Variants in LDB2 observed in about 807,000 individuals in gnomAD.
LDB2 encodes LIM domain binding 2, also known as LIM domain-binding protein 2.
In LDB2, 12 loss-of-function variants were observed where a neutral mutation model predicts 44.3. That is an observed-to-expected ratio of 0.27 (90% confidence interval 0.17 to 0.44). LDB2 has a LOEUF of 0.44. LDB2 is among the 20% of genes least tolerant of loss of function. The probability of loss-of-function intolerance (pLI) is 1.00; values close to 1 mark genes in which losing one functional copy is unlikely to be tolerated. For missense variants in LDB2, 344 were observed against 473.5 expected, an observed-to-expected ratio of 0.73 and a Z score of 2.54; for synonymous variants, 164 against 174.8, an observed-to-expected ratio of 0.94 and a Z score of 0.49.
intron 2 of LDB2, among the ~76,000 whole-genome samples, chr4:16,622,259 GA>G (rs1297395308): frequency 6.6e-6 from 1 of 152,180 alleles, no homozygotes; most frequent in African/African-American, 2.4e-5. Flanking sequence ...CAGATTAGAT[GA>G]TATATTTCAA....
At chr4:16,798,767 A>G (rs16894019) in intron 1 of LDB2, among the ~76,000 whole-genome samples, 5,828 of 152,344 alleles carry the variant, frequency 0.038, 370 homozygotes, top group African/African-American at 0.13. Context: ...TCTAGCCTCG[A>G]AAGCTGGACT....
intron 2 of LDB2, among the ~76,000 whole-genome samples, chr4:16,680,804 G>T (rs947276849): frequency 5.3e-5 from 8 of 152,140 alleles, no homozygotes; most frequent in African/African-American, 1.9e-4. Context: ...CAACAAACAA[G>T]AACCCTCCTA....
chr4:16,695,363 T>C (rs914168144), intron 2 of LDB2, among the ~76,000 whole-genome samples: 1 of 151,524 alleles, frequency 6.6e-6, no homozygotes, highest in Non-Finnish European at 1.5e-5. Context: ...AAACCCTGTC[T>C]CTACTAAAAA....
intron 5 of LDB2, among the ~76,000 whole-genome samples, chr4:16,531,791 C>T (rs577693595): frequency 6.6e-6 from 1 of 152,212 alleles, no homozygotes; most frequent in South Asian, 2.1e-4. Context: ...TTAGGAAAAC[C>T]TTACAGTTAG....
chr4:16,749,717 A>T (rs1315380792), intron 2 of LDB2, among the ~76,000 whole-genome samples: 1 of 151,960 alleles, frequency 6.6e-6, no homozygotes, highest in African/African-American at 2.4e-5. Context: ...AAAATATGGG[A>T]AAAACTGTAG....
chr4:16,632,475 A>G (rs1426668259), intron 2 of LDB2, among the ~76,000 whole-genome samples: 1 of 152,222 alleles, frequency 6.6e-6, no homozygotes, highest in African/African-American at 2.4e-5. Flanking sequence ...AGCCAATATC[A>G]TACTGAATGG....
At chr4:16,541,689 A>G (rs895586228) in intron 5 of LDB2, among the ~76,000 whole-genome samples, 2 of 152,168 alleles carry the variant, frequency 1.3e-5, no homozygotes, top group Admixed American at 6.5e-5. Flanking sequence ...CAGACTCACA[A>G]GAACACATAA....
In LDB2 at chr4:16,759,275, A is replaced by T; in HGVS notation, c.133-15T>A. ...TTGTCACTATCCTGCAAAGAGACAGATCATTTATTTAACAAGGGAAAGTGG... is the reference window on the plus strand; with the variant it reads ...TTGTCACTATCCTGCAAAGAGACAGTTCATTTATTTAACAAGGGAAAGTGG... On this transcript the variant is annotated splice_polypyrimidine_tract_variant and intron_variant, in intron 1 of 7. Transcript: ENST00000304523. The T allele has an allele frequency of 6.4e-7, 1 of 1,553,296 alleles. No individual in the cohort carries two copies. Among genetic ancestry groups the T allele is most frequent in the East Asian group, 2.2e-5 (1 of 44,572 alleles).
chr4:16,581,464 G>C (rs1359596134), intron 5 of LDB2: 1 of 984,638 alleles, frequency 1.0e-6, no homozygotes, highest in Admixed American at 6.2e-5. Flanking sequence ...ACTCAGCCAG[G>C]GTGTATTGTT....
intron 2 of LDB2, among the ~76,000 whole-genome samples, chr4:16,744,365 C>T (rs1485490873): frequency 6.6e-6 from 1 of 151,224 alleles, no homozygotes; most frequent in African/African-American, 2.4e-5. Context: ...CCATGTTGAC[C>T]AGGCTGGTCT....
chr4:16,515,262 A>G (rs1376612869), intron 5 of LDB2, among the ~76,000 whole-genome samples: 1 of 152,198 alleles, frequency 6.6e-6, no homozygotes, highest in Non-Finnish European at 1.5e-5. Flanking sequence ...AAAGATGGGA[A>G]CAATGACACT....
chr4:16,875,857 C>A (rs1430621287), intron 1 of LDB2, among the ~76,000 whole-genome samples: 3 of 152,220 alleles, frequency 2.0e-5, no homozygotes, highest in Non-Finnish European at 4.4e-5. Context: ...ATATAGAGAG[C>A]TTTAGCTTCC....
At chr4:16,505,391 G>A (rs773125617) in intron 7 of LDB2, among the ~76,000 whole-genome samples, 29 of 152,158 alleles carry the variant, frequency 1.9e-4, no homozygotes, top group African/African-American at 5.3e-4. Context: ...GTTTGTGTGC[G>A]TGCATAATTG....
chr4:16,810,059 T>G (rs1166659195), intron 1 of LDB2, among the ~76,000 whole-genome samples: 3 of 152,196 alleles, frequency 2.0e-5, no homozygotes, highest in Non-Finnish European at 4.4e-5. Context: ...CAAATGGCAT[T>G]TTCCTTGCTG....
intron 1 of LDB2, among the ~76,000 whole-genome samples, chr4:16,866,807 A>G (rs1455661244): frequency 6.6e-6 from 1 of 152,202 alleles, no homozygotes; most frequent in Non-Finnish European, 1.5e-5. Flanking sequence ...AAAATCTTGA[A>G]CCAAAAATGG....
intron 2 of LDB2, among the ~76,000 whole-genome samples, chr4:16,691,794 T>C (rs1750827527): frequency 6.6e-6 from 1 of 152,220 alleles, no homozygotes; most frequent in African/African-American, 2.4e-5. Flanking sequence ...TTTCTTCTCA[T>C]GATGACCATC....
chr4:16,516,157 G>A (rs762916868), intron 5 of LDB2, among the ~76,000 whole-genome samples: 4 of 152,002 alleles, frequency 2.6e-5, no homozygotes, highest in African/African-American at 9.6e-5. Flanking sequence ...GAGCCACCAC[G>A]CCCAGCCTAG....
chr4:16,711,520 C>A (rs1267282506), intron 2 of LDB2, among the ~76,000 whole-genome samples: 3 of 152,116 alleles, frequency 2.0e-5, no homozygotes, highest in African/African-American at 7.2e-5. Context: ...AAGGCTGGGG[C>A]AAATGAAAGG....
intron 1 of LDB2, among the ~76,000 whole-genome samples, chr4:16,854,160 A>G (rs1210813803): frequency 6.6e-6 from 1 of 152,040 alleles, no homozygotes; most frequent in African/African-American, 2.4e-5. Flanking sequence ...AAAAAACAAA[A>G]CAAAACAAAT....
Sources: allele counts gnomAD v4.1 joint callset (sites outside exome capture counted in the v4.1 genomes callset), GRCh38; gene constraint gnomAD v4.1.1; transcripts MANE v1.5; gene names NCBI Gene and HGNC (gene_info 2026-07-23, HGNC 2026-07-21).